The following DDX52 variants were observed in gnomAD, a reference collection of about 807,000 sequenced individuals.
DDX52 encodes the protein probable ATP-dependent RNA helicase DDX52.
Under a neutral mutation model 76.1 loss-of-function variants are expected in DDX52, and 59 were observed. The observed-to-expected ratio is 0.78, with a 90% CI of 0.63 to 0.96. The LOEUF (loss-of-function observed/expected upper bound fraction) is 0.96, where lower values mean the gene tolerates loss of function less well. Ranked by LOEUF, DDX52 falls within the 40% of genes least tolerant of loss-of-function variation. The pLI is 0.00. For synonymous variants in DDX52, 231 were observed against 244.1 expected, an observed-to-expected ratio of 0.95 and a Z score of 0.50; for missense variants, 707 against 703.9, an observed-to-expected ratio of 1.00 and a Z score of -0.05.
chr17:37,628,500 AT>A, intron 6 of DDX52, 60 bp downstream of exon 6: 2 of 1,328,010 alleles, frequency 1.5e-6, no homozygotes, highest in Non-Finnish European at 2.1e-6. Flanking sequence ...AGCAATTAGG[AT>A]ATTTATAATT....
At chr17:37,625,111 T>C (rs2030299388) in intron 8 of DDX52, among the ~76,000 whole-genome samples, 1 of 151,996 alleles carries the variant, frequency 6.6e-6, no homozygotes, top group South Asian at 2.1e-4. Flanking sequence ...GCTCAAGCAA[T>C]ACTCCTGCCT....
rs908700578 is a variant in DDX52 at position 37,619,700 on chromosome 17, AG to A, written c.1649+67del. The A allele has an allele frequency of 1.3e-5, 18 of 1,360,454 alleles. No individual in the cohort carries two copies. In the African/African-American group the frequency reaches 2.6e-4, roughly 20 times the overall value. 84.3% of individuals were successfully genotyped at this position (1,360,454 alleles called of 1,614,324 possible). A position where few individuals can be genotyped will look rare whatever the true frequency, so the allele number is the denominator to read the frequency against. ...GCACTGCAGTCTGGGCAACAGAGCA[AG>A]AAAAAAAAAAAAAAGAATGTATATA... On this transcript the variant is annotated intron_variant, in intron 13 of 14. Transcript: ENST00000617633.
At position 37,642,236 on chromosome 17, in the gene DDX52, A is replaced by G. The variant is rs1335393412; in HGVS notation, c.160T>C (p.Ser54Pro). 1 of 1,614,098 alleles carries G rather than the reference A, an allele frequency of 6.2e-7. No homozygotes were observed. The change falls in exon 2 of 15, where the codon TCT becomes CCT. Residue 54 changes from serine (S) to proline (P), a missense_variant. Transcript: ENST00000617633. ...QGLDFFGNKK[S>P]VPGVCGASQT... ...GATGCTCCACACACACCTGGGACAG[A>G]CTTCTTGTTTCCAAAAAAGTCCAGT... is the stretch of plus-strand genomic sequence containing the variant.
intron 2 of DDX52, among the ~76,000 whole-genome samples, 154 bp downstream of exon 2, chr17:37,641,956 G>A (rs1325953567): frequency 6.6e-6 from 1 of 152,058 alleles, no homozygotes; most frequent in Non-Finnish European, 1.5e-5. Flanking sequence ...TACCTTTGCT[G>A]TAACAATATT....
Position 37,621,408 on chromosome 17 carries a change from G to C in DDX52, c.1340C>G (p.Thr447Arg). ...TATATTTGACTTTACCTGTTGTTGT[G>C]TTCTCTCTGCATGAATAACATCCAC... ...INVDVIHAER[T>R]QQQRDNTVHS... The change falls in exon 10 of 15, where the codon ACA (threonine) becomes AGA (arginine). Residue 447 changes from threonine (T) to arginine (R), a missense_variant. Transcript: ENST00000617633. 6.2e-7 allele frequency: 1 copy of C among 1,612,188 alleles called. No homozygotes were observed. The highest frequency in any genetic ancestry group is 8.5e-7 in the Non-Finnish European group (1 of 1,179,510).
rs1339386072 is a variant in DDX52 at position 37,614,146 on chromosome 17, T to C, written c.*150A>G. The C allele has an allele frequency of 1.3e-6, 1 of 781,198 alleles. No individual in the cohort carries two copies. Among genetic ancestry groups the C allele is most frequent in the African/African-American group, 1.8e-5 (1 of 55,728 alleles). The allele number at this position is 781,198 out of a possible 1,614,324, so 48.4% of individuals were successfully genotyped here. A position where few individuals can be genotyped will look rare whatever the true frequency, so the allele number is the denominator to read the frequency against. ...ACAAATTGAAACTGACTTGATAGTT[T>C]AGGATCATTTATCACCAGTCCCATG... is the stretch of plus-strand genomic sequence containing the variant. On this transcript the variant is annotated 3_prime_UTR_variant, in exon 15 of 15. Transcript: ENST00000617633.
At chr17:37,638,844 A>T (rs2031053114) in intron 2 of DDX52, among the ~76,000 whole-genome samples, 1 of 147,718 alleles carries the variant, frequency 6.8e-6, no homozygotes, top group African/African-American at 2.5e-5. Flanking sequence ...ATCTCAGCTC[A>T]CTGCAACCTC....
intron 8 of DDX52, 34 bp downstream of exon 8, chr17:37,625,861 A>G: frequency 6.2e-7 from 1 of 1,610,432 alleles, no homozygotes; most frequent in Non-Finnish European, 8.5e-7. Flanking sequence ...TAAAAAAAAA[A>G]TCAGTGTGAT....
chr17:37,618,479 T>A, intron 13 of DDX52, 95 bp from the exon 14 acceptor site: 1 of 1,114,376 alleles, frequency 9.0e-7, no homozygotes, highest in Non-Finnish European at 1.2e-6. Flanking sequence ...ATCACAAAAT[T>A]CATTTTTTTT....
intron 2 of DDX52, among the ~76,000 whole-genome samples, chr17:37,635,851 A>G (rs1354727723): frequency 1.3e-5 from 2 of 152,176 alleles, no homozygotes; most frequent in Admixed American, 6.5e-5. Flanking sequence ...ATCCTTGCCC[A>G]TACTTGGTAT....
chr17:37,634,448 A>G (rs558448524), intron 2 of DDX52, among the ~76,000 whole-genome samples: 4 of 151,858 alleles, frequency 2.6e-5, no homozygotes, highest in Admixed American at 2.6e-4. Context: ...CCTGGACAAC[A>G]TGATGAAACC....
chr17:37,643,318 C>G lies in DDX52; in HGVS notation c.87+16G>C. 1 of 1,609,694 alleles carries G rather than the reference C, an allele frequency of 6.2e-7. No individual in the cohort carries two copies. Among genetic ancestry groups the G allele is most frequent in the East Asian group, 2.2e-5 (1 of 44,566 alleles). On this transcript the variant is annotated intron_variant, in intron 1 of 14. Coordinates refer to ENST00000617633, the MANE Select transcript of DDX52 (RefSeq NM_007010.5). ...CCTTCTCAGTTACTCGGCCCTCGGT[C>G]CCTTGGGCACAGTACCTGGAATCGA... is the stretch of plus-strand genomic sequence containing the variant.
intron 13 of DDX52, among the ~76,000 whole-genome samples, chr17:37,619,521 A>C (rs2029967190): frequency 6.6e-6 from 1 of 152,132 alleles, no homozygotes; most frequent in African/African-American, 2.4e-5. Flanking sequence ...TGGTTAACAC[A>C]GCAAGACCCC....
chr17:37,622,976 A>G (rs984844306), intron 9 of DDX52, among the ~76,000 whole-genome samples: 2 of 152,184 alleles, frequency 1.3e-5, no homozygotes, highest in Non-Finnish European at 2.9e-5. Context: ...AGAGAGGTTA[A>G]GTTGTGCAAA....
chr17:37,624,542 T>C, intron 8 of DDX52, 108 bp from the exon 9 acceptor site: 1 of 707,862 alleles, frequency 1.4e-6, no homozygotes, highest in South Asian at 2.8e-5. Flanking sequence ...AATCAATTTT[T>C]CCACTGTCAA....
intron 2 of DDX52, 37 bp downstream of exon 2, chr17:37,642,073 T>A: frequency 6.2e-7 from 1 of 1,606,530 alleles, no homozygotes; most frequent in Non-Finnish European, 8.5e-7. Context: ...CTGAAAAAAA[T>A]TAAAGAGAAA....
chr17:37,615,024 C>A (rs759927747), intron 14 of DDX52: 2 of 152,236 alleles, frequency 1.3e-5, no homozygotes, highest in East Asian at 1.9e-4. Context: ...TCCAGTTCCT[C>A]CCCGACTCAC....
intron 2 of DDX52, among the ~76,000 whole-genome samples, chr17:37,640,224 T>G (rs2031122741): frequency 6.6e-6 from 1 of 152,172 alleles, no homozygotes; most frequent in Non-Finnish European, 1.5e-5. Context: ...AGCAAAAATG[T>G]GAAAACAAAC....
chr17:37,641,270 C>G (rs1239054886), intron 2 of DDX52, among the ~76,000 whole-genome samples: 1 of 151,916 alleles, frequency 6.6e-6, no homozygotes, highest in African/African-American at 2.4e-5. Flanking sequence ...GGTGTGGTGG[C>G]AGGCACCTGT....
Sources: gnomAD v4.1 joint callset for allele counts (sites outside exome capture counted in the v4.1 genomes callset) on GRCh38, gnomAD v4.1.1 for gene constraint, MANE v1.5 for transcripts, NCBI Gene and HGNC (gene_info 2026-07-23, HGNC 2026-07-21) for gene names.